LEKR1: variants seen among roughly 807,000 people sequenced by gnomAD.
LEKR1 encodes leucine, glutamate and lysine rich 1.
In LEKR1, 59 loss-of-function variants were observed where a neutral mutation model predicts 72.4. That is an observed-to-expected ratio of 0.82 (90% CI 0.66 to 1.01). The LOEUF (loss-of-function observed/expected upper bound fraction) is 1.01. Among genes scored for constraint, LEKR1 ranks in the 50% least tolerant of loss-of-function variants. The pLI is 0.00. For missense variants in LEKR1, 728 were observed against 759.2 expected (o/e 0.96, Z 0.48); for synonymous variants, 257 against 263.2 (o/e 0.98, Z 0.23).
intron 9 of LEKR1, among the ~76,000 whole-genome samples, chr3:156,993,948 T>G (rs1393399440): frequency 6.6e-6 from 1 of 152,146 alleles, no homozygotes; most frequent in Non-Finnish European, 1.5e-5. Context: ...AGCACAAATC[T>G]TAGGGTTTTT....
At chr3:156,904,835 T>C (rs1026857547) in intron 3 of LEKR1, among the ~76,000 whole-genome samples, 1 of 151,878 alleles carries the variant, frequency 6.6e-6, no homozygotes, top group African/African-American at 2.4e-5. Flanking sequence ...TTTTATTAAG[T>C]CAGGGTTAAG....
rs539083982 is a variant in LEKR1, at chr3:157,042,897, T to G, written c.1669-2443T>G. On this transcript the variant is annotated intron_variant, in intron 12 of 12. Transcript: ENST00000356539. ...TTGAAAACCAAGCCACTTGATATGG[T>G]TTGGATCTGTGTCCCCACCCAAATC... Among the ~76,000 whole-genome samples the G allele has an allele frequency of 2.0e-5, 3 of 152,304 alleles. No homozygotes were observed. The South Asian group carries it at 6.2e-4, about 32-fold the overall frequency.
chr3:157,001,578 A>C (rs1027122833), intron 9 of LEKR1, among the ~76,000 whole-genome samples: 2 of 152,210 alleles, frequency 1.3e-5, no homozygotes, highest in African/African-American at 4.8e-5. Flanking sequence ...TTTTAAAATA[A>C]ATACTCTTAA....
intron 6 of LEKR1, among the ~76,000 whole-genome samples, chr3:156,968,990 C>A (rs1378237005): frequency 2.6e-5 from 4 of 152,144 alleles, no homozygotes; most frequent in Non-Finnish European, 4.4e-5. Flanking sequence ...AACTGCTCAA[C>A]TATATGGAAA....
At chr3:156,882,415 T>C (rs1401779950) in intron 3 of LEKR1, among the ~76,000 whole-genome samples, 2 of 152,152 alleles carry the variant, frequency 1.3e-5, no homozygotes, top group Non-Finnish European at 2.9e-5. Context: ...TCACCATCAC[T>C]GGCCATCAGA....
Position 157,007,579 on chromosome 3 carries a change from G to C in LEKR1, c.1110-3834G>C, listed in dbSNP as rs372810118. 1.6e-4 allele frequency among the ~76,000 whole-genome samples: 24 copies of C among 152,346 alleles called. No homozygotes were observed. In the South Asian group the frequency reaches 3.9e-3, roughly 25 times the overall value. ...TGTGCTATCCACACCTGATTGCTAT[G>C]AGACTTGGTCAATTGATTTGTTCTG... On this transcript the variant is annotated intron_variant, in intron 9 of 12. Transcript: ENST00000356539.
chr3:156,954,696 A>G (rs1727461509), intron 6 of LEKR1, among the ~76,000 whole-genome samples: 1 of 151,826 alleles, frequency 6.6e-6, no homozygotes, highest in Non-Finnish European at 1.5e-5. Flanking sequence ...TGAGTTCTCT[A>G]TTCTGTTCCA....
intron 3 of LEKR1, among the ~76,000 whole-genome samples, chr3:156,880,351 A>G (rs1326015306): frequency 6.6e-6 from 1 of 152,224 alleles, no homozygotes; most frequent in Non-Finnish European, 1.5e-5. Context: ...ACAAACTACC[A>G]TCAGAGAATA....
At chr3:157,042,743 G>A (rs556790213) in intron 12 of LEKR1, among the ~76,000 whole-genome samples, 1 of 151,978 alleles carries the variant, frequency 6.6e-6, no homozygotes, top group Non-Finnish European at 1.5e-5. Flanking sequence ...ATTCCATATT[G>A]TTGTGCCTGT....
At chr3:157,006,842 A>G (rs1732475637) in intron 9 of LEKR1, among the ~76,000 whole-genome samples, 1 of 148,650 alleles carries the variant, frequency 6.7e-6, no homozygotes, top group South Asian at 2.3e-4. Context: ...CCCAAAATGC[A>G]GACGAATCTA....
intron 7 of LEKR1, among the ~76,000 whole-genome samples, chr3:156,980,892 G>A (rs1040735962): frequency 1.3e-5 from 2 of 152,212 alleles, no homozygotes; most frequent in Non-Finnish European, 1.5e-5. Context: ...TACAGAATAA[G>A]TTGGCACAGA....
intron 3 of LEKR1, among the ~76,000 whole-genome samples, chr3:156,906,997 A>C (rs1722594433): frequency 6.6e-6 from 1 of 152,164 alleles, no homozygotes; most frequent in Non-Finnish European, 1.5e-5. Context: ...TGTACTATAT[A>C]AACTTAAATA....
intron 4 of LEKR1, chr3:156,925,049 T>C (rs1246834305): frequency 6.6e-6 from 1 of 152,166 alleles, no homozygotes; most frequent in African/African-American, 2.4e-5. Flanking sequence ...TTAAAATTTT[T>C]GTATCTTTCA....
At chr3:157,039,688 A>G (rs1401676451) in intron 12 of LEKR1, among the ~76,000 whole-genome samples, 1 of 152,212 alleles carries the variant, frequency 6.6e-6, no homozygotes, top group African/African-American at 2.4e-5. Context: ...CTAAGATTAA[A>G]TTTTAATAAT....
intron 9 of LEKR1, among the ~76,000 whole-genome samples, chr3:157,007,059 G>T (rs548490275): frequency 1.3e-5 from 2 of 152,010 alleles, no homozygotes; most frequent in Non-Finnish European, 2.9e-5. Context: ...AAAAATAGCC[G>T]GGCGTGGTGG....
chr3:157,037,825 TG>T (rs1462027843), intron 12 of LEKR1, among the ~76,000 whole-genome samples: 2 of 152,062 alleles, frequency 1.3e-5, no homozygotes, highest in African/African-American at 2.4e-5. Flanking sequence ...GAGGAAATAA[TG>T]AGGCAAAGAG....
At chr3:156,972,444 GTAAC>G (rs1179058399) in intron 6 of LEKR1, among the ~76,000 whole-genome samples, 1 of 151,934 alleles carries the variant, frequency 6.6e-6, no homozygotes, top group African/African-American at 2.4e-5. Context: ...GTATACACAT[GTAAC>G]TAACCTGCAC....
At chr3:156,949,064 T>A (rs1726927800) in intron 6 of LEKR1, among the ~76,000 whole-genome samples, 1 of 151,716 alleles carries the variant, frequency 6.6e-6, no homozygotes, top group South Asian at 2.1e-4. Flanking sequence ...ATAATAGACC[T>A]TTGTCTGCTG....
At chr3:156,958,736 A>G (rs1291906204) in intron 6 of LEKR1, among the ~76,000 whole-genome samples, 4 of 152,146 alleles carry the variant, frequency 2.6e-5, no homozygotes, top group African/African-American at 9.7e-5. Flanking sequence ...GACTTCTAGT[A>G]TGCAGGTGTC....
Sources: gnomAD v4.1 joint callset for allele counts (sites outside exome capture counted in the v4.1 genomes callset) on GRCh38, gnomAD v4.1.1 for gene constraint, MANE v1.5 for transcripts, NCBI Gene and HGNC (gene_info 2026-07-23, HGNC 2026-07-21) for gene names.